The following CLIC5 variants were observed in gnomAD, a reference collection of about 807,000 sequenced individuals.
CLIC5 encodes the protein chloride intracellular channel protein 5.
In CLIC5, 20 loss-of-function variants were observed where a neutral mutation model predicts 24.7. The observed-to-expected ratio is 0.81, with a 90% CI of 0.57 to 1.18. CLIC5 has a LOEUF of 1.18. Among genes scored for constraint, CLIC5 ranks in the 50% most tolerant of loss-of-function variants. The pLI, the probability that CLIC5 is intolerant of heterozygous loss-of-function variation, is 0.00. For synonymous variants in CLIC5, 159 were observed against 135.6 expected (o/e 1.17, Z -1.20); for missense variants, 341 against 326.1 (o/e 1.05, Z -0.35).
In CLIC5 at chr6:46,045,250, C is replaced by T. The variant is rs139490574; in HGVS notation, c.540+34453G>A. 1.9e-3 allele frequency among the ~76,000 whole-genome samples: 293 copies of T among 152,286 alleles called. 1 individual carries two copies. The highest frequency in any genetic ancestry group is 6.9e-3 in the African/African-American group (285 of 41,562). ...ATTTTTTTTAAATCACTTGATCCAA[C>T]ATACCGCATCTTGCATTTTCAGAAA... On this transcript the variant is annotated intron_variant, in intron 1 of 5. Transcript: ENST00000185206.
chr6:45,949,284 A>T lies in CLIC5; in HGVS notation c.271T>A (p.Phe91Ile), dbSNP rs147551973. ...TCAGGGGTCAAGGTCTCCTCCAGGAACTCCTCGATCTTATTGACGTCTGTC... is the reference window on the plus strand; with the variant it reads ...TCAGGGGTCAAGGTCTCCTCCAGGATCTCCTCGATCTTATTGACGTCTGTC... ...VKTDVNKIEEFLEETLTPEKY... is the reference protein window; with the variant it reads ...VKTDVNKIEEILEETLTPEKY... Residue 91 changes from phenylalanine (F) to isoleucine (I), a missense_variant, in exon 3 of 6, where the codon TTC (phenylalanine) becomes ATC (isoleucine). Coordinates refer to ENST00000339561, the MANE Select transcript of CLIC5 (RefSeq NM_016929.5). 3 of 1,613,522 alleles carry T rather than the reference A, an allele frequency of 1.9e-6. No individual in the cohort carries two copies. In the African/African-American group the frequency reaches 4.0e-5, roughly 22 times the overall value.
At chr6:45,923,641 G>C (rs1649241894) in intron 4 of CLIC5, among the ~76,000 whole-genome samples, 1 of 152,244 alleles carries the variant, frequency 6.6e-6, no homozygotes, top group Non-Finnish European at 1.5e-5. Flanking sequence ...TGCTGGGTGA[G>C]GACCCTGATG....
intron 3 of CLIC5, among the ~76,000 whole-genome samples, 154 bp downstream of exon 3, chr6:45,949,102 G>A (rs1046082659): frequency 1.3e-5 from 2 of 152,094 alleles, no homozygotes; most frequent in Admixed American, 6.6e-5. Context: ...CAGCCCTTTG[G>A]GGGTCCTAGG....
In CLIC5 at chr6:45,908,856, C is replaced by T. The variant is rs536886869; in HGVS notation, c.588+5372G>A. Among the ~76,000 whole-genome samples, 8 of 152,126 alleles carry T rather than the reference C, an allele frequency of 5.3e-5. No individual in the cohort carries two copies. In the South Asian group the frequency reaches 8.3e-4, roughly 16 times the overall value. On this transcript the variant is annotated intron_variant, in intron 5 of 5. Coordinates refer to ENST00000339561, the MANE Select transcript of CLIC5 (RefSeq NM_016929.5). ...TTTTCTGCCTCGAAGATCTGTCTAA[C>T]GTTGTTAGTGAGTTGTTGAAGTCCC...
chr6:45,903,408 G>A (rs1462041693), intron 5 of CLIC5, among the ~76,000 whole-genome samples, 153 bp from the exon 6 acceptor site: 1 of 152,182 alleles, frequency 6.6e-6, no homozygotes, highest in Non-Finnish European at 1.5e-5. Context: ...AGGTGGCAGT[G>A]CTGTCTTCTT....
At chr6:46,085,615 G>C in the CLIC5 span, among the ~76,000 whole-genome samples, 1 of 152,230 alleles carries the variant, frequency 6.6e-6, no homozygotes, top group Non-Finnish European at 1.5e-5. Flanking sequence ...AAATGCTGCT[G>C]TCTGATCGTT....
At chr6:45,927,354 G>C (rs1190572189) in intron 4 of CLIC5, among the ~76,000 whole-genome samples, 1 of 152,054 alleles carries the variant, frequency 6.6e-6, no homozygotes, top group Non-Finnish European at 1.5e-5. Flanking sequence ...GAGCTCTCAG[G>C]CCTTGCCCCA....
At chr6:46,021,853 G>A (rs1261464426) in intron 1 of CLIC5, among the ~76,000 whole-genome samples, 1 of 152,200 alleles carries the variant, frequency 6.6e-6, no homozygotes, top group Non-Finnish European at 1.5e-5. Flanking sequence ...TTGTGTCATT[G>A]GTTACACACA....
chr6:46,026,776 G>A (rs1206756477), intron 1 of CLIC5, among the ~76,000 whole-genome samples: 1 of 152,098 alleles, frequency 6.6e-6, no homozygotes, highest in African/African-American at 2.4e-5. Context: ...TGCATGTGGG[G>A]TGCTCCCACC....
At position 45,914,416 on chromosome 6, in the gene CLIC5, T is replaced by G. The variant is rs777269961; in HGVS notation, c.407-7A>C. 6.4e-7 allele frequency: 1 copy of G among 1,560,076 alleles called. No homozygotes were observed. The highest frequency in any genetic ancestry group is 8.7e-7 in the Non-Finnish European group (1 of 1,143,426). ...GTTAGGCCTCTTTCAAGAGCTGGCATGAAAGAGTAAAAGGGCCTTTATTCA... is the reference window on the plus strand; with the variant it reads ...GTTAGGCCTCTTTCAAGAGCTGGCAGGAAAGAGTAAAAGGGCCTTTATTCA... On this transcript the variant is annotated splice_region_variant and splice_polypyrimidine_tract_variant and intron_variant, in intron 4 of 5. Coordinates refer to ENST00000339561, the MANE Select transcript of CLIC5 (RefSeq NM_016929.5).
In CLIC5 at chr6:46,015,533, A is replaced by C; in HGVS notation, c.10T>G (p.Ser4Ala). ...CTGTCGTCCCCGTTAGCTGTCGCCG[A>C]GTCTGTCATGCCGTTGGCGCCCGGG... MTD[S>A]ATANGDDRDP... Residue 4 changes from serine to alanine, a missense_variant, in exon 1 of 6, where the codon TCG becomes GCG. Physicochemically the swap from Ser to Ala is moderately conservative, Grantham distance 99. Coordinates refer to ENST00000339561, the MANE Select transcript of CLIC5 (RefSeq NM_016929.5). The C allele has an allele frequency of 6.3e-7, 1 of 1,578,056 alleles. No individual in the cohort carries two copies. Among genetic ancestry groups the C allele is most frequent in the South Asian group, 1.2e-5 (1 of 85,790 alleles).
At chr6:45,908,982 T>C (rs1762737012) in intron 5 of CLIC5, among the ~76,000 whole-genome samples, 1 of 152,076 alleles carries the variant, frequency 6.6e-6, no homozygotes, top group Admixed American at 6.5e-5. Context: ...ATATTTAGAA[T>C]GGTTAAGTCT....
At chr6:46,052,925 C>T (rs1053644687) in intron 1 of CLIC5, among the ~76,000 whole-genome samples, 5 of 151,850 alleles carry the variant, frequency 3.3e-5, no homozygotes, top group Admixed American at 6.6e-5. Flanking sequence ...CCCTGCCACT[C>T]GGCCCTTATG....
chr6:45,967,516 G>A (rs998209298), intron 1 of CLIC5, among the ~76,000 whole-genome samples: 2 of 152,198 alleles, frequency 1.3e-5, no homozygotes, highest in African/African-American at 2.4e-5. Flanking sequence ...CAAAGTGGCA[G>A]GTAAGGCCAT....
intron 1 of CLIC5, among the ~76,000 whole-genome samples, chr6:46,032,371 G>C (rs1266654043): frequency 6.6e-6 from 1 of 152,232 alleles, no homozygotes; most frequent in Non-Finnish European, 1.5e-5. Flanking sequence ...TGAGATTTGG[G>C]TGGTGACACG....
At chr6:46,101,236 C>A in the CLIC5 span, among the ~76,000 whole-genome samples, 2 of 152,170 alleles carry the variant, frequency 1.3e-5, no homozygotes, top group African/African-American at 2.4e-5. Flanking sequence ...TACAAACATG[C>A]CTCAGAAAGC....
rs370949445 is a variant in CLIC5, at chr6:45,964,624, G to A, written c.64-9380C>T. 1.8e-4 allele frequency among the ~76,000 whole-genome samples: 27 copies of A among 152,276 alleles called. No homozygotes were observed. The East Asian group carries it at 3.7e-3, about 21-fold the overall frequency. ...TGTAGTGTTCCAGCTAATAGTCTCA[G>A]CAACGTTTTCAGATGACAGATTGCC... On this transcript the variant is annotated intron_variant, in intron 1 of 5. Transcript: ENST00000339561.
At chr6:45,974,493 G>GTATATATATATA (rs1294058722) in intron 1 of CLIC5, among the ~76,000 whole-genome samples, 4 of 85,426 alleles carry the variant, frequency 4.7e-5, no homozygotes, top group South Asian at 1.0e-3. Flanking sequence ...CTGTGTGTGT[G>GTATATATATATA]TGTGTATATA....
At chr6:45,916,314 A>G (rs1201240005) in intron 4 of CLIC5, among the ~76,000 whole-genome samples, 1 of 152,140 alleles carries the variant, frequency 6.6e-6, no homozygotes, top group Non-Finnish European at 1.5e-5. Flanking sequence ...TTCCTTAATA[A>G]TTGTCTAGAC....
Sources: allele counts gnomAD v4.1 joint callset (sites outside exome capture counted in the v4.1 genomes callset), GRCh38; gene constraint gnomAD v4.1.1; transcripts MANE v1.5; gene names NCBI Gene and HGNC (gene_info 2026-07-23, HGNC 2026-07-21).